GRM4: variants seen among roughly 807,000 people sequenced by gnomAD.
GRM4 encodes the protein glutamate metabotropic receptor 4.
In GRM4, 28 loss-of-function variants were observed where a neutral mutation model predicts 81.7. The ratio of observed to expected loss-of-function variants is 0.34; its 90% CI spans 0.25 to 0.47. The LOEUF (loss-of-function observed/expected upper bound fraction) is 0.47, where lower values mean the gene tolerates loss of function less well. Among genes scored for constraint, GRM4 ranks in the 20% least tolerant of loss-of-function variants. The pLI is 1.00. For missense variants in GRM4, 948 were observed against 1,290.0 expected, an observed-to-expected ratio of 0.73 and a Z score of 4.06; for synonymous variants, 488 against 528.8, an observed-to-expected ratio of 0.92 and a Z score of 1.06.
intron 3 of GRM4, among the ~76,000 whole-genome samples, chr6:34,079,092 C>T (rs1767458700): frequency 6.6e-6 from 1 of 152,160 alleles, no homozygotes; most frequent in Admixed American, 6.5e-5. Flanking sequence ...TACAGTTGTC[C>T]CCATACTACA....
At chr6:34,077,252 G>C (rs988502737) in intron 3 of GRM4, among the ~76,000 whole-genome samples, 3 of 152,110 alleles carry the variant, frequency 2.0e-5, no homozygotes, top group African/African-American at 7.2e-5. Context: ...AAACCAGAGA[G>C]GGGCCAGGAT....
At chr6:34,071,497 CACAT>C (rs1199728889) in intron 3 of GRM4, among the ~76,000 whole-genome samples, 1 of 3,132 alleles carries the variant, frequency 3.2e-4, no homozygotes, top group African/African-American at 6.9e-4. Flanking sequence ...CATCACCACA[CACAT>C]ACACACCACA....
chr6:34,128,396 G>A (rs78961861), intron 2 of GRM4, among the ~76,000 whole-genome samples: 1 of 46,350 alleles, frequency 2.2e-5, no homozygotes, highest in Admixed American at 2.7e-4. Flanking sequence ...TTTTTTTTTT[G>A]AGACTGAGTT....
At position 34,070,317 on chromosome 6, in the gene GRM4, C is replaced by T. The variant is rs1347049715; in HGVS notation, c.737-8289G>A. Among the ~76,000 whole-genome samples, 1 of 152,144 alleles carries T rather than the reference C, an allele frequency of 6.6e-6. No homozygotes were observed. The highest frequency in any genetic ancestry group is 6.5e-5 in the Admixed American group (1 of 15,274). On this transcript the variant is annotated intron_variant, in intron 3 of 10. Transcript: ENST00000538487. The surrounding 1 kb of genome is among the most constrained non-coding windows in gnomAD (Gnocchi z 4.6). ...CACCTGGACGTCTCCCTCCGTCCTG[C>T]CTTCTGCTGGGATTTTACTTTCTCC... is the stretch of plus-strand genomic sequence containing the variant.
intron 2 of GRM4, among the ~76,000 whole-genome samples, chr6:34,105,006 G>C (rs984386330): frequency 6.6e-6 from 1 of 152,170 alleles, no homozygotes; most frequent in Non-Finnish European, 1.5e-5. Flanking sequence ...GGAGCACTGA[G>C]TGCCAGCAGT....
chr6:34,071,945 CAT>C (rs1228395246), intron 3 of GRM4, among the ~76,000 whole-genome samples: 20 of 145,974 alleles, frequency 1.4e-4, no homozygotes, highest in Middle Eastern at 3.6e-3. Flanking sequence ...CAGACACACA[CAT>C]ATCACCACAC....
chr6:34,056,514 C>A, intron 6 of GRM4, 30 bp downstream of exon 6: 1 of 1,597,124 alleles, frequency 6.3e-7, no homozygotes, highest in East Asian at 2.3e-5. Flanking sequence ...TCCTAGAGCC[C>A]GCCCGGCCCT....
At chr6:34,110,638 C>A in intron 2 of GRM4, 1 of 1,140,498 alleles carries the variant, frequency 8.8e-7, no homozygotes. Context: ...TACCCCCTTA[C>A]CATACCCCTT....
intron 9 of GRM4, among the ~76,000 whole-genome samples, chr6:34,031,399 C>T (rs906867268): frequency 6.6e-6 from 1 of 152,132 alleles, no homozygotes; most frequent in Non-Finnish European, 1.5e-5. Flanking sequence ...ACAGAGGACA[C>T]CTGGGGTGAG....
chr6:34,077,477 C>T (rs922309795), intron 3 of GRM4, among the ~76,000 whole-genome samples: 1 of 152,124 alleles, frequency 6.6e-6, no homozygotes, highest in African/African-American at 2.4e-5. Flanking sequence ...CCACACAAAC[C>T]TCAGCCTACC....
In GRM4 at chr6:34,111,576, C is replaced by A. The variant is rs1769385047; in HGVS notation, c.520-19477G>T. 6.6e-6 allele frequency among the ~76,000 whole-genome samples: 1 copy of A among 152,234 alleles called. No individual in the cohort carries two copies. The highest frequency in any genetic ancestry group is 1.5e-5 in the Non-Finnish European group (1 of 68,040). ...CCCATGGTAGGCAAGAGAGTGCTGT[C>A]CCCCATCCACACCCCGGCAGGGGAC... On this transcript the variant is annotated intron_variant, in intron 2 of 10. Coordinates refer to ENST00000538487, the MANE Select transcript of GRM4 (RefSeq NM_000841.4). The surrounding 1 kb of genome is among the most constrained non-coding windows in gnomAD (Gnocchi z 5.1).
At chr6:34,083,118 CT>C (rs967166559) in intron 3 of GRM4, among the ~76,000 whole-genome samples, 1 of 152,226 alleles carries the variant, frequency 6.6e-6, no homozygotes, top group African/African-American at 2.4e-5. Flanking sequence ...TGACGTTTTC[CT>C]CCTGTCATTC....
At chr6:34,056,447 G>C (rs577086772) in intron 6 of GRM4, 97 bp downstream of exon 6, 4 of 1,144,452 alleles carry the variant, frequency 3.5e-6, no homozygotes, top group South Asian at 1.5e-5. Context: ...GCCGGCCGAC[G>C]ACAGACAAAG....
rs191664821 is a variant in GRM4 at position 34,070,251 on chromosome 6, C to T, written c.737-8223G>A. Among the ~76,000 whole-genome samples the T allele has an allele frequency of 1.3e-5, 2 of 152,196 alleles. No homozygotes were observed. The highest frequency in any genetic ancestry group is 4.8e-5 in the African/African-American group (2 of 41,444). Reference sequence around the variant, plus strand: ...CTTTGCTCTGGTCCACAGTGATACTCTGTGCTCAGCGTCCACACGCGTGGG... The same window carrying T: ...CTTTGCTCTGGTCCACAGTGATACTTTGTGCTCAGCGTCCACACGCGTGGG... On this transcript the variant is annotated intron_variant, in intron 3 of 10. Transcript: ENST00000538487. The surrounding 1 kb of genome is among the most constrained non-coding windows in gnomAD (Gnocchi z 4.6).
chr6:34,092,389 C>G lies in GRM4; in HGVS notation c.520-290G>C, dbSNP rs1027174391. On this transcript the variant is annotated intron_variant, in intron 2 of 10. Transcript: ENST00000538487. This position sits in a 1 kb window ranked among gnomAD's most constrained non-coding sequence, Gnocchi z 6.8. ...TGGCTGCCTAAATTTACACAAAGAG[C>G]TCAAAGATCCCAGCCCAGGGAAAAT... 3.9e-5 allele frequency among the ~76,000 whole-genome samples: 6 copies of G among 152,194 alleles called. No homozygotes were observed. The highest frequency in any genetic ancestry group is 7.4e-5 in the Non-Finnish European group (5 of 68,024).
intron 3 of GRM4, among the ~76,000 whole-genome samples, chr6:34,091,017 C>T (rs1184871433): frequency 6.6e-6 from 1 of 152,030 alleles, no homozygotes; most frequent in Non-Finnish European, 1.5e-5. Flanking sequence ...AGCCCCACAG[C>T]CCCCCAGGAG....
chr6:34,075,963 C>T (rs979573310), intron 3 of GRM4, among the ~76,000 whole-genome samples: 2 of 152,202 alleles, frequency 1.3e-5, no homozygotes, highest in Non-Finnish European at 2.9e-5. Flanking sequence ...GGAGCCAGCG[C>T]TGGGCTAGTG....
chr6:34,062,219 C>T (rs529706156), intron 3 of GRM4, 191 bp from the exon 4 acceptor site: 1 of 524,334 alleles, frequency 1.9e-6, no homozygotes, highest in Non-Finnish European at 3.3e-6. Flanking sequence ...GTCTTGGCTC[C>T]ACTTACCAGC....
chr6:34,044,145 TACACATATATACACATAC>T (rs1243147937), intron 6 of GRM4, among the ~76,000 whole-genome samples: 4 of 134,952 alleles, frequency 3.0e-5, no homozygotes, highest in African/African-American at 9.4e-5. Context: ...TATACATACA[TACACATATATACACATAC>T]ACACACATAT....
Sources: gnomAD v4.1 joint callset for allele counts (sites outside exome capture counted in the v4.1 genomes callset) on GRCh38, gnomAD v4.1.1 for gene constraint, Gnocchi (gnomAD v3.1) non-coding constraint, MANE v1.5 for transcripts, NCBI Gene and HGNC (gene_info 2026-07-23, HGNC 2026-07-21) for gene names.